The following DAB2IP variants were observed in gnomAD, a reference collection of about 807,000 sequenced individuals.
DAB2IP encodes DAB2 interacting protein.
DAB2IP carries 28 observed loss-of-function variants against 107.2 expected under a neutral mutation model. The observed-to-expected ratio is 0.26, with a 90% CI of 0.19 to 0.36. DAB2IP has a LOEUF of 0.36. Among genes scored for constraint, DAB2IP ranks in the 10% least tolerant of loss-of-function variants. The pLI is 1.00. For missense variants in DAB2IP, 1,400 were observed against 1,644.7 expected, an observed-to-expected ratio of 0.85 and a Z score of 2.57; for synonymous variants, 755 against 706.4, an observed-to-expected ratio of 1.07 and a Z score of -1.09.
intron 1 of DAB2IP, among the ~76,000 whole-genome samples, chr9:121,631,797 A>G (rs571981691): frequency 1.4e-5 from 2 of 139,588 alleles, no homozygotes; most frequent in Non-Finnish European, 3.0e-5. Context: ...GCCTGGCTAC[A>G]GGGCAAGACT....
At chr9:121,692,816 A>T (rs1354180207) in intron 2 of DAB2IP, among the ~76,000 whole-genome samples, 1 of 152,146 alleles carries the variant, frequency 6.6e-6, no homozygotes, top group Non-Finnish European at 1.5e-5. Flanking sequence ...CATACCCTTG[A>T]GGGGAGGAGG....
chr9:121,638,455 G>T (rs1220740681), intron 1 of DAB2IP, among the ~76,000 whole-genome samples: 1 of 152,184 alleles, frequency 6.6e-6, no homozygotes, highest in East Asian at 1.9e-4. Flanking sequence ...AAAGCAGTGG[G>T]CTCCCTGGAG....
intron 13 of DAB2IP, among the ~76,000 whole-genome samples, chr9:121,775,333 C>A (rs1835122807): frequency 6.6e-6 from 1 of 152,212 alleles, no homozygotes; most frequent in Non-Finnish European, 1.5e-5. Context: ...ATGCTGCATC[C>A]TGCCACCGCC....
intron 1 of DAB2IP, among the ~76,000 whole-genome samples, chr9:121,607,973 G>T (rs1830940635): frequency 6.6e-6 from 1 of 152,258 alleles, no homozygotes; most frequent in South Asian, 2.1e-4. Context: ...GGACCTCAGA[G>T]CCTTTCCCGG....
At chr9:121,683,775 G>T (rs1350393439) in intron 2 of DAB2IP, among the ~76,000 whole-genome samples, 3 of 152,236 alleles carry the variant, frequency 2.0e-5, no homozygotes, top group African/African-American at 7.2e-5. Context: ...GGACAGGGAA[G>T]AATTCTTAAA....
intron 1 of DAB2IP, among the ~76,000 whole-genome samples, chr9:121,643,449 C>A (rs957606833): frequency 6.6e-6 from 1 of 151,996 alleles, no homozygotes; most frequent in Admixed American, 6.6e-5. Context: ...CAACTTGGTT[C>A]TATCTCCCTG....
At chr9:121,608,969 TCTCG>T (rs745427663) in intron 1 of DAB2IP, among the ~76,000 whole-genome samples, 4 of 152,208 alleles carry the variant, frequency 2.6e-5, no homozygotes, top group Non-Finnish European at 5.9e-5. Flanking sequence ...TGAGACAGCG[TCTCG>T]CTCTGTCGCC....
At chr9:121,751,641 C>T (rs985347363) in intron 3 of DAB2IP, 1 of 152,568 alleles carries the variant, frequency 6.6e-6, no homozygotes, top group Non-Finnish European at 1.5e-5. Context: ...GAGTCCAGGT[C>T]ACTTGTGCGA....
At chr9:121,712,191 T>A (rs1830368965) in intron 3 of DAB2IP, among the ~76,000 whole-genome samples, 1 of 152,204 alleles carries the variant, frequency 6.6e-6, no homozygotes, top group Non-Finnish European at 1.5e-5. Flanking sequence ...TGTGTCCACA[T>A]GGCTCCCATA....
intron 3 of DAB2IP, among the ~76,000 whole-genome samples, chr9:121,726,818 G>A (rs1238986303): frequency 1.3e-5 from 2 of 152,170 alleles, no homozygotes. Context: ...GAAGAAGCTG[G>A]CGACTGAGGG....
At chr9:121,592,133 C>T (rs1298193916) in intron 1 of DAB2IP, among the ~76,000 whole-genome samples, 1 of 152,078 alleles carries the variant, frequency 6.6e-6, no homozygotes, top group Non-Finnish European at 1.5e-5. Flanking sequence ...TTTGGGAGGC[C>T]GAGGTAGGCA....
chr9:121,709,914 T>C (rs1355810045), intron 3 of DAB2IP, among the ~76,000 whole-genome samples: 1 of 152,204 alleles, frequency 6.6e-6, no homozygotes, highest in Non-Finnish European at 1.5e-5. Context: ...CTCTAGTATA[T>C]TAGCTGACAT....
exon 12 of DAB2IP, chr9:121,773,192 G>A (rs775509420): frequency 2.5e-6 from 4 of 1,583,680 alleles, no homozygotes; most frequent in South Asian, 1.1e-5. Flanking sequence ...GGCCCGGTGA[G>A]CTGGCACGGC....
Position 121,702,854 on chromosome 9 carries a change from C to T in DAB2IP, c.362+3396C>T, listed in dbSNP as rs1440121840. Among the ~76,000 whole-genome samples, 2 of 152,130 alleles carry T rather than the reference C, an allele frequency of 1.3e-5. No individual in the cohort carries two copies. The highest frequency in any genetic ancestry group is 2.4e-5 in the African/African-American group (1 of 41,434). ...TCTGGGTGACTCTAGCCCTCCACAC[C>T]TGCTGGGAATATGCTTCCTTTGGCA... On this transcript the variant is annotated intron_variant, in intron 3 of 15. Coordinates refer to ENST00000408936, the Ensembl canonical transcript of DAB2IP. The surrounding 1 kb of genome is among the most constrained non-coding windows in gnomAD (Gnocchi z 4.5).
exon 13 of DAB2IP, chr9:121,774,337 AGAC>A: frequency 6.2e-7 from 1 of 1,613,396 alleles, no homozygotes; most frequent in Non-Finnish European, 8.5e-7. Context: ...AGTTGTTAGA[AGAC>A]GAGGGCCTGG....
At chr9:121,774,156 C>T (rs1041773707) in intron 12 of DAB2IP, 104 bp from the exon 13 acceptor site, 16 of 1,292,546 alleles carry the variant, frequency 1.2e-5, no homozygotes, top group Non-Finnish European at 1.6e-5. Context: ...CTCTTCCCAC[C>T]GTGTCCCAGA....
At chr9:121,610,570 C>G (rs1455028544) in intron 1 of DAB2IP, among the ~76,000 whole-genome samples, 1 of 152,176 alleles carries the variant, frequency 6.6e-6, no homozygotes, top group African/African-American at 2.4e-5. Context: ...GCCCTGCCCT[C>G]TAGCTGCAGG....
At chr9:121,725,709 G>T (rs1337367079) in intron 3 of DAB2IP, among the ~76,000 whole-genome samples, 1 of 152,200 alleles carries the variant, frequency 6.6e-6, no homozygotes, top group Admixed American at 6.5e-5. Context: ...GGGTGAAGGT[G>T]AAGGTTCCCT....
chr9:121,582,544 C>A (rs527607844), intron 1 of DAB2IP, among the ~76,000 whole-genome samples: 24 of 152,080 alleles, frequency 1.6e-4, no homozygotes, highest in African/African-American at 5.6e-4. Flanking sequence ...CCACTGGCGC[C>A]CCCGTGACTC....
Sources: gnomAD v4.1 joint callset for allele counts (sites outside exome capture counted in the v4.1 genomes callset) on GRCh38, gnomAD v4.1.1 for gene constraint, Gnocchi (gnomAD v3.1) non-coding constraint, MANE v1.5 for transcripts, NCBI Gene and HGNC (gene_info 2026-07-23, HGNC 2026-07-21) for gene names.